The following EPHA1 variants were observed in gnomAD, a reference collection of about 807,000 sequenced individuals.
EPHA1 encodes the protein ephrin type-A receptor 1.
In EPHA1, 92 loss-of-function variants were observed where a neutral mutation model predicts 110.1. The ratio of observed to expected loss-of-function variants is 0.84; its 90% CI spans 0.71 to 0.99. The LOEUF (loss-of-function observed/expected upper bound fraction) is 0.99. Among genes scored for constraint, EPHA1 ranks in the 50% least tolerant of loss-of-function variants. The pLI, the probability that EPHA1 is intolerant of heterozygous loss-of-function variation, is 0.00. For synonymous variants in EPHA1, 500 were observed against 516.1 expected (o/e 0.97, Z 0.42); for missense variants, 1,204 against 1,285.4 (o/e 0.94, Z 0.97).
chr7:143,405,422 C>A (rs1586588677), intron 2 of EPHA1, among the ~76,000 whole-genome samples: 1 of 135,776 alleles, frequency 7.4e-6, no homozygotes, highest in South Asian at 2.7e-4. Flanking sequence ...TGAATGCCTG[C>A]GTGTGCATGT....
chr7:143,399,137 G>A, intron 5 of EPHA1, 121 bp downstream of exon 5: 2 of 1,363,392 alleles, frequency 1.5e-6, no homozygotes, highest in African/African-American at 1.4e-5. Flanking sequence ...GGCTAAAAGT[G>A]CCTGACACCC....
chr7:143,399,893 C>G lies in EPHA1; in HGVS notation c.593G>C (p.Arg198Pro). Reference protein sequence around the residue: ...PGACVALVSVRVFYQRCPETL... With the variant: ...PGACVALVSVPVFYQRCPETL... Reference sequence around the variant, plus strand: ...CTCAGGACAGCGCTGGTAGAAGACCCGGACAGACACCAGGGCCACACAGGC... The same window carrying G: ...CTCAGGACAGCGCTGGTAGAAGACCGGGACAGACACCAGGGCCACACAGGC... The change falls in exon 4 of 18, where the codon CGG becomes CCG. Residue 198 changes from arginine to proline, a missense_variant. Transcript: ENST00000275815. 6.2e-7 allele frequency: 1 copy of G among 1,609,906 alleles called. No individual in the cohort carries two copies. The highest frequency in any genetic ancestry group is 8.5e-7 in the Non-Finnish European group (1 of 1,178,050).
Position 143,391,146 on chromosome 7 carries a change from C to A in EPHA1, c.*311G>T. ...GTCAGCTCTTTTGTAGTGCCTGCAG[C>A]CCTCATGGGTGGGATGGAGGCAGAA... On this transcript the variant is annotated 3_prime_UTR_variant, in exon 18 of 18. Coordinates refer to ENST00000275815, the MANE Select transcript of EPHA1 (RefSeq NM_005232.5). 2.6e-6 allele frequency: 1 copy of A among 381,004 alleles called. No individual in the cohort carries two copies. The highest frequency in any genetic ancestry group is 4.8e-6 in the Non-Finnish European group (1 of 209,068). 23.6% of individuals were successfully genotyped at this position (381,004 alleles called of 1,614,324 possible). A position where few individuals can be genotyped will look rare whatever the true frequency, so the allele number is the denominator to read the frequency against.
At position 143,394,199 on chromosome 7, in the gene EPHA1, G is replaced by C; in HGVS notation, c.2497C>G (p.Gln833Glu). 1.2e-6 allele frequency: 2 copies of C among 1,612,528 alleles called. No individual in the cohort carries two copies. The highest frequency in any genetic ancestry group is 1.7e-6 in the Non-Finnish European group (2 of 1,178,884). The part of the protein sequence containing the change: ...GDKPYGEMSN[Q>E]EVMKSIEDGY... ...GAAGAATATTCTGGGCTCACCTCCT[G>C]ATTGCTCATCTCCCCATAAGGCTTG... is the stretch of plus-strand genomic sequence containing the variant. Residue 833 changes from glutamine (Q) to glutamate (E), a missense_variant, in exon 15 of 18, where the codon CAG becomes GAG. Transcript: ENST00000275815.
At chr7:143,408,527 A>G (rs992156615) in intron 1 of EPHA1, among the ~76,000 whole-genome samples, 197 bp downstream of exon 1, 1 of 151,876 alleles carries the variant, frequency 6.6e-6, no homozygotes, top group African/African-American at 2.4e-5. Context: ...CTGACCCGGG[A>G]GAGCAGCCGC....
chr7:143,391,909 A>G (rs1228798077), intron 16 of EPHA1, 134 bp from the exon 17 acceptor site: 6 of 1,464,864 alleles, frequency 4.1e-6, no homozygotes, highest in African/African-American at 2.8e-5. Context: ...GATTGACCCC[A>G]CCATTATCTC....
rs776567061 is a variant in EPHA1, at chr7:143,395,103, G to A, written c.2145+18C>T. The A allele has an allele frequency of 6.2e-7, 1 of 1,613,896 alleles. No individual in the cohort carries two copies. The highest frequency in any genetic ancestry group is 8.5e-7 in the Non-Finnish European group (1 of 1,180,002). ...CATGGTGCATCCCCCTCCCCAGCTA[G>A]TCCTCTGCCCTCCTCACCCTCAGGA... On this transcript the variant is annotated intron_variant, in intron 13 of 17. Transcript: ENST00000275815. The surrounding 1 kb of genome is among the most constrained non-coding windows in gnomAD (Gnocchi z 4.7).
intron 2 of EPHA1, among the ~76,000 whole-genome samples, chr7:143,402,612 G>A (rs927609688): frequency 6.6e-6 from 1 of 152,128 alleles, no homozygotes; most frequent in African/African-American, 2.4e-5. Context: ...CAGGCTGTTA[G>A]CTTCTTTTAT....
In EPHA1 at chr7:143,397,371, G is replaced by A; in HGVS notation, c.1713-9C>T. ...TCTGCCGCTGGGCTCTCCTGTGGGGGTTGGGGACCAGCTCCTTCAGGGCCC... is the reference window on the plus strand; with the variant it reads ...TCTGCCGCTGGGCTCTCCTGTGGGGATTGGGGACCAGCTCCTTCAGGGCCC... On this transcript the variant is annotated splice_polypyrimidine_tract_variant and intron_variant, in intron 9 of 17. Coordinates refer to ENST00000275815, the MANE Select transcript of EPHA1 (RefSeq NM_005232.5). The A allele has an allele frequency of 6.5e-7, 1 of 1,549,506 alleles. No homozygotes were observed.
intron 8 of EPHA1, 104 bp downstream of exon 8, chr7:143,397,816 T>C (rs759566707): frequency 1.9e-5 from 29 of 1,537,388 alleles, no homozygotes; most frequent in Non-Finnish European, 2.5e-5. Context: ...TGTGTGTGCA[T>C]GTGTGTAGAG....
At chr7:143,404,857 T>A (rs1235515498) in intron 2 of EPHA1, among the ~76,000 whole-genome samples, 3 of 152,122 alleles carry the variant, frequency 2.0e-5, no homozygotes, top group African/African-American at 7.2e-5. Flanking sequence ...TATTGATATT[T>A]TTGTTGCAAC....
chr7:143,402,560 T>C (rs1805453264), intron 2 of EPHA1, among the ~76,000 whole-genome samples: 1 of 152,218 alleles, frequency 6.6e-6, no homozygotes, highest in Non-Finnish European at 1.5e-5. Context: ...GCCTGGCTAA[T>C]TTTTTGTATT....
chr7:143,400,089 C>T (rs1239941844), intron 3 of EPHA1, 36 bp from the exon 4 acceptor site: 4 of 1,554,410 alleles, frequency 2.6e-6, no homozygotes, highest in Non-Finnish European at 2.6e-6. Flanking sequence ...GGAGCAATGG[C>T]AAAGTCCTGC....
chr7:143,394,674 C>A (rs182916364), intron 14 of EPHA1, 134 bp downstream of exon 14: 2 of 1,062,476 alleles, frequency 1.9e-6, no homozygotes, highest in Admixed American at 2.1e-5. Context: ...CCTGCCTCGG[C>A]CTCCCAAAGT....
chr7:143,408,061 G>T (rs891803065), intron 1 of EPHA1, among the ~76,000 whole-genome samples: 1 of 152,190 alleles, frequency 6.6e-6, no homozygotes, highest in Non-Finnish European at 1.5e-5. Context: ...GCCAGGAGTG[G>T]GCAGGGTGGA....
At chr7:143,398,233 G>T in intron 7 of EPHA1, 88 bp downstream of exon 7, 1 of 1,591,296 alleles carries the variant, frequency 6.3e-7, no homozygotes, top group South Asian at 1.1e-5. Flanking sequence ...ACTTCGGGTG[G>T]ATTCCTCCCA....
chr7:143,398,861 C>A lies in EPHA1; in HGVS notation c.1076G>T (p.Gly359Val). 1.2e-6 allele frequency: 2 copies of A among 1,613,418 alleles called. No individual in the cohort carries two copies. Among genetic ancestry groups the A allele is most frequent in the African/African-American group, 2.7e-5 (2 of 75,032 alleles). Residue 359 changes from glycine to valine, a missense_variant, in exon 6 of 18, where the codon GGG (glycine) becomes GTG (valine). By Grantham distance (109) the Gly-to-Val change is moderately radical. Coordinates refer to ENST00000275815, the MANE Select transcript of EPHA1 (RefSeq NM_005232.5). Reference protein sequence around the residue: ...SLRWEPPADTGGRQDVRYSVR... With the variant: ...SLRWEPPADTVGRQDVRYSVR... ...ACTGTATCTGACATCCTGGCGTCCC[C>A]CCGTATCTGCTGGGGGTTCCCAACG...
At position 143,391,526 on chromosome 7, in the gene EPHA1, C is replaced by T. The variant is rs151021159; in HGVS notation, c.2862G>A (p.Thr954=). ...GCCCGGGCAGTGTGATTCCCATCTG[C>T]GTCAGGTCCCTGTGGGCAAGGAAGG... ...CVLELTAEDL[T]QMGITLPGHQ... is the part of the protein sequence containing the mutation. Residue 954 remains threonine, a synonymous_variant, in exon 18 of 18, where the codon ACG becomes ACA. Transcript: ENST00000275815. The T allele has an allele frequency of 1.1e-5, 18 of 1,614,172 alleles. 1 individual carries two copies. The highest frequency in any genetic ancestry group is 5.0e-5 in the Admixed American group (3 of 60,026).
At position 143,394,828 on chromosome 7, in the gene EPHA1, C is replaced by G; in HGVS notation, c.2332G>C (p.Asp778His). ...FGLTRLLDDF[D>H]GTYETQGGKI... ...CTAACCTGGGTTTCGTATGTGCCAT[C>G]AAAGTCATCCAGGAGGCGAGTCAGG... The change falls in exon 14 of 18, where the codon GAT becomes CAT. Residue 778 changes from aspartate to histidine, a missense_variant. Coordinates refer to ENST00000275815, the MANE Select transcript of EPHA1 (RefSeq NM_005232.5). 1 of 1,614,144 alleles carries G rather than the reference C, an allele frequency of 6.2e-7. No homozygotes were observed. Among genetic ancestry groups the G allele is most frequent in the Non-Finnish European group, 8.5e-7 (1 of 1,180,034 alleles).
Sources: allele counts gnomAD v4.1 joint callset (sites outside exome capture counted in the v4.1 genomes callset), GRCh38; gene constraint gnomAD v4.1.1; non-coding constraint Gnocchi (gnomAD v3.1); transcripts MANE v1.5; gene names NCBI Gene and HGNC (gene_info 2026-07-23, HGNC 2026-07-21).